WWTR1: variants seen among roughly 807,000 people sequenced by gnomAD.
The protein encoded by WWTR1 is WW domain containing transcription regulator 1.
Under a neutral mutation model 40.1 loss-of-function variants are expected in WWTR1, and 13 were observed. The observed-to-expected ratio is 0.32, with a 90% confidence interval of 0.21 to 0.52. The LOEUF (loss-of-function observed/expected upper bound fraction) is 0.52, where lower values mean the gene tolerates loss of function less well. Among genes scored for constraint, WWTR1 ranks in the 20% least tolerant of loss-of-function variants. The pLI is 0.97. For synonymous variants in WWTR1, 230 were observed against 210.1 expected, an observed-to-expected ratio of 1.09 and a Z score of -0.82; for missense variants, 436 against 523.1, an observed-to-expected ratio of 0.83 and a Z score of 1.63.
intron 4 of WWTR1, among the ~76,000 whole-genome samples, chr3:149,534,360 C>T (rs1169011892): frequency 6.6e-6 from 1 of 152,018 alleles, no homozygotes; most frequent in Non-Finnish European, 1.5e-5. Flanking sequence ...AATTGTCAAC[C>T]CTTTCACCTG....
chr3:149,603,788 T>C (rs1739363458), intron 2 of WWTR1, among the ~76,000 whole-genome samples: 1 of 141,640 alleles, frequency 7.1e-6, no homozygotes, highest in Non-Finnish European at 1.5e-5. Flanking sequence ...CTCCTAATAA[T>C]GAGGGGAATA....
chr3:149,636,516 T>C (rs1711822553), intron 2 of WWTR1, among the ~76,000 whole-genome samples: 1 of 152,196 alleles, frequency 6.6e-6, no homozygotes, highest in African/African-American at 2.4e-5. Flanking sequence ...CTTGAAAAAC[T>C]GATTTTTTAG....
upstream of WWTR1, among the ~76,000 whole-genome samples, chr3:149,708,208 C>T (rs1296436383): frequency 1.3e-5 from 2 of 152,170 alleles, no homozygotes; most frequent in Non-Finnish European, 2.9e-5. Flanking sequence ...CTCAATAACG[C>T]AGACTCACTA....
At chr3:149,551,355 A>G (rs1332008102) in intron 3 of WWTR1, among the ~76,000 whole-genome samples, 1 of 145,014 alleles carries the variant, frequency 6.9e-6, no homozygotes, top group East Asian at 2.0e-4. Flanking sequence ...ACTTGAATGC[A>G]GTCTCTTCAA....
chr3:149,518,316 C>T lies in WWTR1; in HGVS notation c.*2489G>A, dbSNP rs892501662. Reference sequence around the variant, plus strand: ...TCTAAAAATTGGTAATATAAATCATCAATGATTTACCTACTTTAAAAAAGA... The same window carrying T: ...TCTAAAAATTGGTAATATAAATCATTAATGATTTACCTACTTTAAAAAAGA... On this transcript the variant is annotated 3_prime_UTR_variant, in exon 7 of 7. Coordinates refer to ENST00000360632, the MANE Select transcript of WWTR1 (RefSeq NM_015472.6). 6.6e-6 allele frequency: 1 copy of T among 151,960 alleles called. No individual in the cohort carries two copies. The highest frequency in any genetic ancestry group is 1.5e-5 in the Non-Finnish European group (1 of 67,990). The allele number at this position is 151,960 out of a possible 1,614,324, so 9.4% of individuals were successfully genotyped here.
intron 3 of WWTR1, among the ~76,000 whole-genome samples, chr3:149,557,351 C>T (rs977784927): frequency 3.0e-4 from 45 of 152,178 alleles, no homozygotes; most frequent in African/African-American, 9.9e-4. Flanking sequence ...GGATTACAGG[C>T]GTGAGCCACT....
At chr3:149,657,446 G>T in intron 1 of WWTR1, 137 bp from the exon 2 acceptor site, 1 of 1,024,740 alleles carries the variant, frequency 9.8e-7, no homozygotes, top group Non-Finnish European at 1.4e-6. Context: ...TTGCCCGCCT[G>T]GAGATCCCAG....
At chr3:149,713,123 G>A (rs1715518918) in intron 5 of WWTR1, among the ~76,000 whole-genome samples, 1 of 152,144 alleles carries the variant, frequency 6.6e-6, no homozygotes, top group Non-Finnish European at 1.5e-5. Context: ...GAAAAGAAAA[G>A]GGTCTAAAAC....
intron 4 of WWTR1, among the ~76,000 whole-genome samples, chr3:149,533,637 C>T (rs971211820): frequency 1.3e-5 from 2 of 152,162 alleles, no homozygotes; most frequent in African/African-American, 2.4e-5. Flanking sequence ...GAAAAGGCAG[C>T]ATGGCACAAG....
At chr3:149,662,445 C>G (rs906173355), upstream of WWTR1, among the ~76,000 whole-genome samples, 1 of 152,204 alleles carries the variant, frequency 6.6e-6, no homozygotes, top group Non-Finnish European at 1.5e-5. Context: ...TCTAAATCCT[C>G]CCCACAACAC....
At chr3:149,560,956 AC>A (rs5853422) in intron 3 of WWTR1, among the ~76,000 whole-genome samples, 80,099 of 148,246 alleles carry the variant, frequency 0.54, 22,961 homozygotes, top group East Asian at 0.75. Context: ...AGAAAGTAAC[AC>A]CCCCCCCCGC....
chr3:149,720,544 G>A (rs57150193), intron 4 of WWTR1, among the ~76,000 whole-genome samples: 55,807 of 151,844 alleles, frequency 0.37, 10,755 homozygotes, highest in African/African-American at 0.48. Flanking sequence ...TTTTAAATCA[G>A]TAAGTGTGAG....
chr3:149,620,982 T>C (rs1740239799), intron 2 of WWTR1, among the ~76,000 whole-genome samples: 1 of 152,210 alleles, frequency 6.6e-6, no homozygotes, highest in South Asian at 2.1e-4. Flanking sequence ...AAAGAATCCA[T>C]GTCACCCTTG....
At chr3:149,607,333 G>C (rs1739533465) in intron 2 of WWTR1, among the ~76,000 whole-genome samples, 1 of 151,940 alleles carries the variant, frequency 6.6e-6, no homozygotes, top group Non-Finnish European at 1.5e-5. Context: ...TTCTTTTTTT[G>C]AGACAGAGTT....
At chr3:149,585,121 C>CGCGTGTGT (rs1553795600) in intron 2 of WWTR1, among the ~76,000 whole-genome samples, 6 of 144,314 alleles carry the variant, frequency 4.2e-5, no homozygotes, top group African/African-American at 1.5e-4. Context: ...TGATTTCTTT[C>CGCGTGTGT]GTGTGTGTGT....
At chr3:149,635,603 C>T (rs1444046582) in intron 2 of WWTR1, among the ~76,000 whole-genome samples, 1 of 149,354 alleles carries the variant, frequency 6.7e-6, no homozygotes, top group Non-Finnish European at 1.5e-5. Context: ...GAAGAGGAAG[C>T]GGAAGAGGGA....
chr3:149,646,915 A>G (rs1712564501), intron 2 of WWTR1, among the ~76,000 whole-genome samples: 1 of 152,208 alleles, frequency 6.6e-6, no homozygotes, highest in African/African-American at 2.4e-5. Context: ...GAAACAATTA[A>G]ATGTCCATCA....
chr3:149,666,431 T>A (rs2108183404), intron 2 of WWTR1, among the ~76,000 whole-genome samples: 1 of 152,316 alleles, frequency 6.6e-6, no homozygotes, highest in Middle Eastern at 3.4e-3. Flanking sequence ...TATTTCTAGA[T>A]AATCTTAGAT....
chr3:149,659,082 C>A (rs1713442016), upstream of WWTR1, among the ~76,000 whole-genome samples: 1 of 152,154 alleles, frequency 6.6e-6, no homozygotes, highest in Non-Finnish European at 1.5e-5. Flanking sequence ...GGAGGCCTTG[C>A]CCTTCAGAGC....
Sources: allele counts gnomAD v4.1 joint callset (sites outside exome capture counted in the v4.1 genomes callset), GRCh38; gene constraint gnomAD v4.1.1; transcripts MANE v1.5; gene names NCBI Gene and HGNC (gene_info 2026-07-23, HGNC 2026-07-21).